Variants in VAMP2 observed in about 807,000 individuals in gnomAD.
VAMP2 encodes the protein vesicle associated membrane protein 2, also known as vesicle-associated membrane protein 2.
For synonymous variants in VAMP2, 67 were observed against 57.3 expected (o/e 1.17, Z -0.76); for missense variants, 95 against 151.3 (o/e 0.63, Z 1.95).
In VAMP2 at chr17:8,160,652, T is replaced by C; in HGVS notation, c.*203A>G. 2.9e-6 allele frequency: 1 copy of C among 344,994 alleles called. No individual in the cohort carries two copies. Among genetic ancestry groups the C allele is most frequent in the Non-Finnish European group, 5.0e-6 (1 of 198,692 alleles). 21.4% of individuals were successfully genotyped at this position (344,994 alleles called of 1,614,324 possible). ...AAGGACAACCGGAAAAATCATCTAG[T>C]AATAAAACTACAAACAGACCAAATA... On this transcript the variant is annotated 3_prime_UTR_variant, in exon 5 of 5. Transcript: ENST00000316509.
chr17:8,160,512 G>A lies in VAMP2; in HGVS notation c.*343C>T, dbSNP rs1218911589. On this transcript the variant is annotated 3_prime_UTR_variant, in exon 5 of 5. Coordinates refer to ENST00000316509, the MANE Select transcript of VAMP2 (RefSeq NM_014232.3). ...AAATCTGAGGGAAGAAGAAGGAAAG[G>A]AGAGGGACTATTGCATAGCAGATGC... The A allele has an allele frequency of 1.3e-5, 2 of 157,550 alleles. No individual in the cohort carries two copies. The highest frequency in any genetic ancestry group is 1.3e-4 in the Admixed American group (2 of 14,974). 9.8% of individuals were successfully genotyped at this position (157,550 alleles called of 1,614,324 possible).
intron 2 of VAMP2, 125 bp from the exon 3 acceptor site, chr17:8,161,891 C>A: frequency 7.1e-7 from 1 of 1,411,162 alleles, no homozygotes; most frequent in Non-Finnish European, 9.6e-7. Context: ...GTTAACATGC[C>A]AAGGACACAC....
At position 8,162,932 on chromosome 17, in the gene VAMP2, T is replaced by C; in HGVS notation, c.-53A>G. The C allele has an allele frequency of 8.3e-7, 1 of 1,203,400 alleles. No homozygotes were observed. Among genetic ancestry groups the C allele is most frequent in the South Asian group, 4.1e-5 (1 of 24,134 alleles). 74.5% of individuals were successfully genotyped at this position (1,203,400 alleles called of 1,614,324 possible). On this transcript the variant is annotated 5_prime_UTR_variant, in exon 1 of 5. Transcript: ENST00000316509. ...CAGCGGCAGTGATGGCGGCGGCGGC[T>C]CGCGCTGGCTCCGACTGGCGCTGGC...
intron 1 of VAMP2, 115 bp downstream of exon 1, chr17:8,162,763 C>G: frequency 1.6e-6 from 2 of 1,248,044 alleles, no homozygotes; most frequent in Non-Finnish European, 2.0e-6. Flanking sequence ...CGGCTTGGGC[C>G]TGGCCCCGGG....
chr17:8,159,629 C>T lies in VAMP2; in HGVS notation c.*1226G>A, dbSNP rs1204024064. Reference sequence around the variant, plus strand: ...GGAGCTGGGCAGTGATGGGGCAACACCCCCCAAATTGGGGAGGAGGGTTTT... The same window carrying T: ...GGAGCTGGGCAGTGATGGGGCAACATCCCCCAAATTGGGGAGGAGGGTTTT... On this transcript the variant is annotated 3_prime_UTR_variant, in exon 5 of 5. Transcript: ENST00000316509. 6.6e-6 allele frequency: 1 copy of T among 152,670 alleles called. No individual in the cohort carries two copies. The highest frequency in any genetic ancestry group is 1.5e-5 in the Non-Finnish European group (1 of 68,086). 9.5% of individuals were successfully genotyped at this position (152,670 alleles called of 1,614,324 possible).
chr17:8,161,298 A>C (rs2151865257), intron 4 of VAMP2, 175 bp downstream of exon 4: 2 of 956,522 alleles, frequency 2.1e-6, no homozygotes, highest in South Asian at 3.5e-5. Context: ...GAACTAGGCA[A>C]AATGCAGGCT....
chr17:8,162,154 T>C, intron 2 of VAMP2, 95 bp downstream of exon 2: 3 of 1,476,972 alleles, frequency 2.0e-6, no homozygotes, highest in Non-Finnish European at 2.7e-6. Flanking sequence ...CCCACAGGCG[T>C]GAACTGTCAT....
At chr17:8,160,927 A>C in intron 4 of VAMP2, 56 bp from the exon 5 acceptor site, 2 of 1,485,776 alleles carry the variant, frequency 1.3e-6, no homozygotes, top group Non-Finnish European at 1.9e-6. Context: ...AAAGAGAGAG[A>C]ACAAGAAAGC....
Position 8,160,381 on chromosome 17 carries a change from T to TTTTTTTTTTTTTTC in VAMP2, c.*473_*474insGAAAAAAAAAAAAA, listed in dbSNP as rs1983263159. 1 of 81,790 alleles carries TTTTTTTTTTTTTTC rather than the reference T, an allele frequency of 1.2e-5. No individual in the cohort carries two copies. Among genetic ancestry groups the TTTTTTTTTTTTTTC allele is most frequent in the Non-Finnish European group, 2.1e-5 (1 of 47,244 alleles). 5.1% of individuals were successfully genotyped at this position (81,790 alleles called of 1,614,324 possible). The stretch of plus-strand genomic sequence containing the variant: ...AAGGAAGCCTGGACAGGTGCTGTTG[T>TTTTTTTTTTTTTTC]TTTTTTTTTTTTTTTTTTTTTTTTG... On this transcript the variant is annotated 3_prime_UTR_variant, in exon 5 of 5. Transcript: ENST00000316509.
chr17:8,160,922 G>A (rs779104761), intron 4 of VAMP2, 51 bp from the exon 5 acceptor site: 10 of 1,508,414 alleles, frequency 6.6e-6, no homozygotes, highest in Middle Eastern at 1.7e-4. Flanking sequence ...GAGAGAAAGA[G>A]AGAGAACAAG....
chr17:8,162,290 T>C lies in VAMP2; in HGVS notation c.82A>G (p.Ser28Gly), dbSNP rs147975406. ...TGGGTCTGCTGCAGTCTCCTGTTAC[T>C]GGTGAGGTTTGGAGGGGGTGCAGGG... ...GPPAPPPNLT[S>G]NRRLQQTQAQ... Residue 28 changes from serine (S) to glycine (G), a missense_variant, in exon 2 of 5, where the codon AGT (serine) becomes GGT (glycine). Physicochemically the swap from Ser to Gly is moderately conservative, Grantham distance 56. Coordinates refer to ENST00000316509, the MANE Select transcript of VAMP2 (RefSeq NM_014232.3). 887 of 1,579,738 alleles carry C rather than the reference T, an allele frequency of 5.6e-4. No individual in the cohort carries two copies. The highest frequency in any genetic ancestry group is 5.7e-4 in the Non-Finnish European group (666 of 1,167,702).
chr17:8,162,478 G>T, intron 1 of VAMP2, 109 bp from the exon 2 acceptor site: 1 of 1,551,746 alleles, frequency 6.4e-7, no homozygotes, highest in Non-Finnish European at 8.7e-7. Flanking sequence ...CTCCTTTTCG[G>T]GAGGAAGGCC....
At position 8,159,443 on chromosome 17, in the gene VAMP2, G is replaced by C. The variant is rs932488251; in HGVS notation, c.*1412C>G. 2.0e-5 allele frequency: 3 copies of C among 152,558 alleles called. No homozygotes were observed. Among genetic ancestry groups the C allele is most frequent in the African/African-American group, 7.2e-5 (3 of 41,426 alleles). 9.5% of individuals were successfully genotyped at this position (152,558 alleles called of 1,614,324 possible). A position where few individuals can be genotyped will look rare whatever the true frequency, so the allele number is the denominator to read the frequency against. ...CCCTTAAAATTGTGCCATTTAAAAA[G>C]ACAATAGACCCTTCCTCAATCAGTT... is the stretch of plus-strand genomic sequence containing the variant. On this transcript the variant is annotated 3_prime_UTR_variant, in exon 5 of 5. Transcript: ENST00000316509.
chr17:8,159,513 G>A lies in VAMP2; in HGVS notation c.*1342C>T, dbSNP rs11548690. On this transcript the variant is annotated 3_prime_UTR_variant, in exon 5 of 5. Transcript: ENST00000316509. ...TCTCTCTGGGCTCAATAGTCCTGGAGAGGGGCAAGCATCCCCGTTTTCCAG... is the reference window on the plus strand; with the variant it reads ...TCTCTCTGGGCTCAATAGTCCTGGAAAGGGGCAAGCATCCCCGTTTTCCAG... 0.01 allele frequency: 1,550 copies of A among 152,738 alleles called. 34 individuals are homozygous for A. The highest frequency in any genetic ancestry group is 0.078 in the East Asian group (404 of 5,186). 9.5% of individuals were successfully genotyped at this position (152,738 alleles called of 1,614,324 possible).
chr17:8,162,550 G>A, intron 1 of VAMP2, 181 bp from the exon 2 acceptor site: 1 of 1,477,264 alleles, frequency 6.8e-7, no homozygotes, highest in Admixed American at 2.6e-5. Flanking sequence ...GACCTTGAGC[G>A]AGGCCCCCCC....
intron 2 of VAMP2, 128 bp downstream of exon 2, chr17:8,162,121 G>A (rs1983332246): frequency 3.6e-6 from 5 of 1,401,582 alleles, no homozygotes; most frequent in Non-Finnish European, 4.7e-6. Context: ...ACAGGGATGG[G>A]GCATGGTATC....
intron 4 of VAMP2, 90 bp downstream of exon 4, chr17:8,161,383 G>A: frequency 6.5e-7 from 1 of 1,533,634 alleles, no homozygotes; most frequent in South Asian, 1.2e-5. Flanking sequence ...TGGCTGAAGA[G>A]TAAAAACTAG....
intron 1 of VAMP2, chr17:8,162,589 G>C (rs1159648274): frequency 3.5e-6 from 5 of 1,444,414 alleles, no homozygotes; most frequent in African/African-American, 1.5e-5. Context: ...TGTCAACTGA[G>C]GGCGACCTCA....
chr17:8,162,760 G>A (rs907807634), intron 1 of VAMP2, 118 bp downstream of exon 1: 62 of 1,249,598 alleles, frequency 5.0e-5, no homozygotes, highest in Non-Finnish European at 5.6e-5. Context: ...CACCGGCTTG[G>A]GCCTGGCCCC....
Sources: allele counts gnomAD v4.1 joint callset, GRCh38; gene constraint gnomAD v4.1.1; transcripts MANE v1.5; gene names NCBI Gene and HGNC (gene_info 2026-07-23, HGNC 2026-07-21).